Variants in DPP10 observed in about 807,000 individuals in gnomAD.
DPP10 encodes the protein dipeptidyl peptidase like 10, also known as inactive dipeptidyl peptidase 10.
DPP10 carries 33 observed loss-of-function variants against 120.9 expected under a neutral mutation model. The ratio of observed to expected loss-of-function variants is 0.27; its 90% confidence interval spans 0.21 to 0.37. The LOEUF is 0.37. Ranked by LOEUF, DPP10 falls within the 10% of genes least tolerant of loss-of-function variation. The pLI is 1.00. For synonymous variants in DPP10, 337 were observed against 326.1 expected (o/e 1.03, Z -0.36); for missense variants, 816 against 942.8 (o/e 0.87, Z 1.76).
intron 5 of DPP10, among the ~76,000 whole-genome samples, chr2:115,588,793 T>C (rs1322924419): frequency 1.3e-5 from 2 of 152,212 alleles, no homozygotes; most frequent in Non-Finnish European, 2.9e-5. Context: ...AATTAAAGAA[T>C]GAACTCCATG....
At chr2:114,485,929 A>G (rs975875693) in intron 1 of DPP10, among the ~76,000 whole-genome samples, 4 of 152,148 alleles carry the variant, frequency 2.6e-5, no homozygotes, top group Non-Finnish European at 4.4e-5. Context: ...GGTTGGGGCT[A>G]GGGTTCTCCT....
intron 1 of DPP10, among the ~76,000 whole-genome samples, chr2:114,474,790 TG>T (rs1680237583): frequency 6.6e-6 from 1 of 152,174 alleles, no homozygotes; most frequent in African/African-American, 2.4e-5. Flanking sequence ...TATAAGGCAT[TG>T]GATAGATGTT....
At chr2:114,873,334 A>T (rs1690854224) in intron 1 of DPP10, among the ~76,000 whole-genome samples, 1 of 152,152 alleles carries the variant, frequency 6.6e-6, no homozygotes, top group Non-Finnish European at 1.5e-5. Context: ...AAGAGGATGA[A>T]TGAGCCACTG....
At chr2:115,771,569 G>T (rs1681477662) in intron 13 of DPP10, among the ~76,000 whole-genome samples, 1 of 152,178 alleles carries the variant, frequency 6.6e-6, no homozygotes. Flanking sequence ...GTTTTGATGT[G>T]TAATGCCAAA....
intron 12 of DPP10, among the ~76,000 whole-genome samples, chr2:115,765,944 T>C (rs528002103): frequency 3.3e-5 from 5 of 152,228 alleles, no homozygotes; most frequent in Non-Finnish European, 7.4e-5. Flanking sequence ...TATCCTTATT[T>C]TACTGTCAAG....
chr2:114,935,290 A>AC (rs11380549), intron 1 of DPP10, among the ~76,000 whole-genome samples: 150,091 of 152,190 alleles, frequency 0.99, 74,039 homozygotes, highest in Non-Finnish European at 1. Context: ...AGCCCCATTC[A>AC]CCTTATCCAT....
intron 11 of DPP10, among the ~76,000 whole-genome samples, chr2:115,754,906 A>C (rs1375318690): frequency 6.6e-6 from 1 of 152,088 alleles, no homozygotes; most frequent in Admixed American, 6.6e-5. Flanking sequence ...TATCACATGT[A>C]CTCCAAAATA....
In DPP10 at chr2:115,540,727, C is replaced by A. The variant is rs561279981; in HGVS notation, c.441+14755C>A. On this transcript the variant is annotated intron_variant, in intron 5 of 25. Coordinates refer to ENST00000410059, the MANE Select transcript of DPP10 (RefSeq NM_020868.6). Reference sequence around the variant, plus strand: ...TATTTTCTTTCTGGATAAAAAAATTCTGTCCATAATATTTCAAATACAAAA... The same window carrying A: ...TATTTTCTTTCTGGATAAAAAAATTATGTCCATAATATTTCAAATACAAAA... Among the ~76,000 whole-genome samples the A allele has an allele frequency of 1.3e-4, 19 of 151,892 alleles. No homozygotes were observed. In the East Asian group the frequency reaches 1.6e-3, roughly 12 times the overall value.
intron 1 of DPP10, among the ~76,000 whole-genome samples, chr2:114,522,090 C>T (rs1192707513): frequency 3.4e-5 from 5 of 148,500 alleles, no homozygotes; most frequent in Admixed American, 3.3e-4. Flanking sequence ...CGCCATTCTC[C>T]TGCCTCAGCC....
intron 3 of DPP10, among the ~76,000 whole-genome samples, chr2:115,423,451 A>G (rs940443463): frequency 6.6e-6 from 1 of 152,134 alleles, no homozygotes; most frequent in Non-Finnish European, 1.5e-5. Context: ...TTTATATGAT[A>G]TGTGTGAATA....
chr2:114,516,178 A>G (rs754473042), intron 1 of DPP10, among the ~76,000 whole-genome samples: 1 of 152,204 alleles, frequency 6.6e-6, no homozygotes, highest in Non-Finnish European at 1.5e-5. Context: ...TGTTCTAGAA[A>G]GAGAGTCCCT....
intron 1 of DPP10, among the ~76,000 whole-genome samples, chr2:114,886,585 T>C (rs1692090203): frequency 1.3e-5 from 2 of 152,236 alleles, no homozygotes; most frequent in African/African-American, 4.8e-5. Context: ...GCATTGATTA[T>C]GAAATAATTT....
At chr2:115,121,489 A>G (rs1411582954) in intron 1 of DPP10, among the ~76,000 whole-genome samples, 1 of 151,686 alleles carries the variant, frequency 6.6e-6, no homozygotes, top group Non-Finnish European at 1.5e-5. Flanking sequence ...TGGAGCTGGA[A>G]CCCCTTCAGT....
chr2:115,322,448 TAAAA>T (rs2062107717), intron 2 of DPP10, among the ~76,000 whole-genome samples: 1 of 152,068 alleles, frequency 6.6e-6, no homozygotes, highest in Non-Finnish European at 1.5e-5. Flanking sequence ...ACAGAGAGGG[TAAAA>T]TACCTTTTCA....
At chr2:114,573,102 C>G (rs1689782514) in intron 1 of DPP10, among the ~76,000 whole-genome samples, 1 of 152,150 alleles carries the variant, frequency 6.6e-6, no homozygotes, top group Admixed American at 6.5e-5. Context: ...CCCACCTCAG[C>G]CTTTCAAGTA....
At chr2:115,188,059 CAA>C (rs1000139467) in intron 1 of DPP10, among the ~76,000 whole-genome samples, 11 of 117,252 alleles carry the variant, frequency 9.4e-5, no homozygotes, top group Admixed American at 7.3e-4. Flanking sequence ...GAGAGAGAGG[CAA>C]AGAGAGAGAG....
chr2:114,721,683 G>A (rs1701714732), intron 1 of DPP10, among the ~76,000 whole-genome samples: 3 of 152,168 alleles, frequency 2.0e-5, no homozygotes, highest in African/African-American at 2.4e-5. Flanking sequence ...GCATGCTTCT[G>A]TAATAATGTA....
intron 1 of DPP10, among the ~76,000 whole-genome samples, chr2:115,004,530 G>A (rs1701673275): frequency 6.6e-6 from 1 of 152,202 alleles, no homozygotes. Flanking sequence ...GCGAGCCAAA[G>A]CAGGGCGAGG....
At chr2:114,942,296 T>TACATATATATATATATATATATATATAC (rs1553458455) in intron 1 of DPP10, among the ~76,000 whole-genome samples, 12 of 127,044 alleles carry the variant, frequency 9.4e-5, no homozygotes, top group Non-Finnish European at 1.9e-4. Flanking sequence ...TGTATATATA[T>TACATATATATATATATATATATATATAC]ACATATATAT....
Sources: allele counts gnomAD v4.1 joint callset (sites outside exome capture counted in the v4.1 genomes callset), GRCh38; gene constraint gnomAD v4.1.1; transcripts MANE v1.5; gene names NCBI Gene and HGNC (gene_info 2026-07-23, HGNC 2026-07-21).